YY1: variants seen among roughly 807,000 people sequenced by gnomAD.
YY1 encodes transcriptional repressor protein YY1.
A neutral mutation model predicts 35.6 loss-of-function variants in YY1; 2 were observed. The ratio of observed to expected loss-of-function variants is 0.06; its 90% CI spans 0.02 to 0.18. The LOEUF is 0.18. Ranked by LOEUF, YY1 falls within the 10% of genes least tolerant of loss-of-function variation. The pLI is 1.00. For synonymous variants in YY1, 268 were observed against 238.9 expected, an observed-to-expected ratio of 1.12 and a Z score of -1.12; for missense variants, 322 against 573.4, an observed-to-expected ratio of 0.56 and a Z score of 4.48.
At chr14:100,264,783 G>A (rs146478727) in intron 2 of YY1, among the ~76,000 whole-genome samples, 48 of 152,272 alleles carry the variant, frequency 3.2e-4, no homozygotes, top group African/African-American at 1.0e-3. Flanking sequence ...TAGAATTGTG[G>A]CAGTCAGATA....
rs1891424138 is a variant in YY1 at position 100,281,219 on chromosome 14, A to C, written c.*3619A>C. On this transcript the variant is annotated 3_prime_UTR_variant, in exon 5 of 5. Coordinates refer to ENST00000262238, the MANE Select transcript of YY1 (RefSeq NM_003403.5). Reference sequence around the variant, plus strand: ...TGGGAAATTCATGTTGTTGATCTTTAATTATTTAATTATTCTTTAATAATC... The same window carrying C: ...TGGGAAATTCATGTTGTTGATCTTTCATTATTTAATTATTCTTTAATAATC... 1 of 151,196 alleles carries C rather than the reference A, an allele frequency of 6.6e-6. No individual in the cohort carries two copies. The highest frequency in any genetic ancestry group is 1.5e-5 in the Non-Finnish European group (1 of 67,936). The allele number at this position is 151,196 out of a possible 1,614,324, so 9.4% of individuals were successfully genotyped here.
intron 1 of YY1, among the ~76,000 whole-genome samples, chr14:100,261,281 C>T (rs1566776378): frequency 6.6e-6 from 1 of 151,940 alleles, no homozygotes; most frequent in African/African-American, 2.4e-5. Context: ...ACTCTGCCTC[C>T]CAGTTCAAGC....
intron 1 of YY1, among the ~76,000 whole-genome samples, chr14:100,260,950 A>G (rs922164879): frequency 6.6e-6 from 1 of 150,916 alleles, no homozygotes; most frequent in Non-Finnish European, 1.5e-5. Context: ...CATGCACCCC[A>G]TGCCTGGCTA....
At position 100,276,192 on chromosome 14, in the gene YY1, G is replaced by A. The variant is rs1891314942; in HGVS notation, c.904-298G>A. 2.5e-6 allele frequency: 1 copy of A among 401,280 alleles called. No homozygotes were observed. Among genetic ancestry groups the A allele is most frequent in the South Asian group, 2.2e-5 (1 of 45,478 alleles). The allele number at this position is 401,280 out of a possible 1,614,324, so 24.9% of individuals were successfully genotyped here. ...GTAGAGCTGGAAGCCAGGGTGTTGG[G>A]TTCTATTCCCAGTTTGGCTACTACT... On this transcript the variant is annotated intron_variant, in intron 3 of 4. Transcript: ENST00000262238. The surrounding 1 kb of genome is among the most constrained non-coding windows in gnomAD (Gnocchi z 4.1).
In YY1 at chr14:100,280,501, G is replaced by A. The variant is rs1157529577; in HGVS notation, c.*2901G>A. The A allele has an allele frequency of 6.6e-6, 1 of 152,128 alleles. No homozygotes were observed. Among genetic ancestry groups the A allele is most frequent in the Non-Finnish European group, 1.5e-5 (1 of 68,020 alleles). 9.4% of individuals were successfully genotyped at this position (152,128 alleles called of 1,614,324 possible). A position where few individuals can be genotyped will look rare whatever the true frequency, so the allele number is the denominator to read the frequency against. ...TTGTATAAAGAACTGTCACCCCAGA[G>A]TGACATTTATTTTCCAAGATGACCC... On this transcript the variant is annotated 3_prime_UTR_variant, in exon 5 of 5. Coordinates refer to ENST00000262238, the MANE Select transcript of YY1 (RefSeq NM_003403.5).
chr14:100,246,803 C>G (rs1890840050), intron 1 of YY1, among the ~76,000 whole-genome samples: 1 of 152,174 alleles, frequency 6.6e-6, no homozygotes, highest in African/African-American at 2.4e-5. Context: ...CACTAAGATG[C>G]TATAAACATG....
At position 100,239,255 on chromosome 14, in the gene YY1, G is replaced by A; in HGVS notation, c.11G>A (p.Gly4Asp). The A allele has an allele frequency of 6.4e-7, 1 of 1,566,408 alleles. No homozygotes were observed. The highest frequency in any genetic ancestry group is 8.6e-7 in the Non-Finnish European group (1 of 1,159,770). The change falls in exon 1 of 5, where the codon GGC becomes GAC. Residue 4 changes from glycine to aspartate, a missense_variant. By Grantham distance (94) the Gly-to-Asp change is moderately conservative (BLOSUM62 -1). Transcript: ENST00000262238. MAS[G>D]DTLYIATDGS... ...GCGGAGCCCTCAGCCATGGCCTCGG[G>A]CGACACCCTCTACATCGCCACGGAC...
intron 1 of YY1, among the ~76,000 whole-genome samples, chr14:100,259,755 G>T (rs543054057): frequency 6.6e-6 from 1 of 152,278 alleles, no homozygotes; most frequent in African/African-American, 2.4e-5. Flanking sequence ...ATGCACTTGT[G>T]AATTTAACCC....
Position 100,239,802 on chromosome 14 carries a change from C to G in YY1, c.558C>G (p.Leu186=). ...AGAAGAGCGGCAAGAAGAGTTACCT[C>G]AGCGGCGGGGCCGGCGCGGCGGGCG... The part of the protein sequence containing the change: ...GGKKSGKKSY[L]SGGAGAAGGG... The change falls in exon 1 of 5, where the codon CTC becomes CTG. Residue 186 remains leucine (L), a synonymous_variant. Transcript: ENST00000262238. 1.3e-6 allele frequency: 2 copies of G among 1,516,590 alleles called. No individual in the cohort carries two copies. Among genetic ancestry groups the G allele is most frequent in the East Asian group, 2.6e-5 (1 of 38,810 alleles). The allele number at this position is 1,516,590 out of a possible 1,614,324, so 93.9% of individuals were successfully genotyped here.
intron 1 of YY1, among the ~76,000 whole-genome samples, chr14:100,254,872 A>G (rs1451662707): frequency 6.8e-6 from 1 of 147,894 alleles, no homozygotes; most frequent in African/African-American, 2.5e-5. Flanking sequence ...TCCTGGGTTC[A>G]AGCAATTCTC....
intron 2 of YY1, among the ~76,000 whole-genome samples, chr14:100,273,814 T>C (rs1255240071): frequency 1.3e-5 from 2 of 152,182 alleles, no homozygotes; most frequent in Non-Finnish European, 2.9e-5. Flanking sequence ...CACACACAGA[T>C]CTATAGGGAA....
intron 1 of YY1, among the ~76,000 whole-genome samples, chr14:100,241,255 C>T (rs932026686): frequency 1.8e-4 from 27 of 152,154 alleles, no homozygotes; most frequent in African/African-American, 4.3e-4. Context: ...GAACCTCTTC[C>T]CTATAAGTAC....
chr14:100,255,406 A>T (rs192870284), intron 1 of YY1, among the ~76,000 whole-genome samples: 10 of 152,092 alleles, frequency 6.6e-5, no homozygotes, highest in Admixed American at 4.6e-4. Flanking sequence ...ATCACCTGAG[A>T]TCAGGAGTTA....
At chr14:100,252,087 T>C (rs1416846004) in intron 1 of YY1, among the ~76,000 whole-genome samples, 1 of 152,198 alleles carries the variant, frequency 6.6e-6, no homozygotes, top group Non-Finnish European at 1.5e-5. Context: ...TAAATTGTAT[T>C]GAGTACCTTT....
intron 3 of YY1, among the ~76,000 whole-genome samples, chr14:100,275,454 GT>G: frequency 6.6e-6 from 1 of 152,320 alleles, no homozygotes; most frequent in East Asian, 1.9e-4. Context: ...CGTTCTTGAT[GT>G]GGCGATTTGA....
rs531401224 is a variant in YY1 at position 100,278,753 on chromosome 14, C to T, written c.*1153C>T. 6.6e-6 allele frequency: 1 copy of T among 152,370 alleles called. No homozygotes were observed. Among genetic ancestry groups the T allele is most frequent in the African/African-American group, 2.4e-5 (1 of 41,584 alleles). The allele number at this position is 152,370 out of a possible 1,614,324, so 9.4% of individuals were successfully genotyped here. On this transcript the variant is annotated 3_prime_UTR_variant, in exon 5 of 5. Transcript: ENST00000262238. The stretch of plus-strand genomic sequence containing the variant: ...GTTGGTCATAGGCTGTGATTTTAGC[C>T]CCCGGCAAGTGTGAGTGAAGCATCT...
At chr14:100,271,888 C>T (rs947739843) in intron 2 of YY1, among the ~76,000 whole-genome samples, 4 of 152,014 alleles carry the variant, frequency 2.6e-5, no homozygotes, top group African/African-American at 4.8e-5. Flanking sequence ...ATTTTGTACA[C>T]GAAACAAAGT....
chr14:100,257,915 G>A (rs941595836), intron 1 of YY1, among the ~76,000 whole-genome samples: 2 of 152,118 alleles, frequency 1.3e-5, no homozygotes, highest in Non-Finnish European at 1.5e-5. Context: ...AAGGCGGATT[G>A]CTTCAGCCCA....
rs1241811869 is a variant in YY1 at position 100,278,986 on chromosome 14, A to G, written c.*1386A>G. On this transcript the variant is annotated 3_prime_UTR_variant, in exon 5 of 5. Transcript: ENST00000262238. ...CTCCATCTAGTGGAGTCCTTATTAA[A>G]TGCTAGCAATGTGGCAATTGAGTGC... 1 of 152,234 alleles carries G rather than the reference A, an allele frequency of 6.6e-6. No homozygotes were observed. Among genetic ancestry groups the G allele is most frequent in the Non-Finnish European group, 1.5e-5 (1 of 68,032 alleles). The allele number at this position is 152,234 out of a possible 1,614,324, so 9.4% of individuals were successfully genotyped here. A position where few individuals can be genotyped will look rare whatever the true frequency, so the allele number is the denominator to read the frequency against.
Sources: allele counts gnomAD v4.1 joint callset (sites outside exome capture counted in the v4.1 genomes callset), GRCh38; gene constraint gnomAD v4.1.1; non-coding constraint Gnocchi (gnomAD v3.1); transcripts MANE v1.5; gene names NCBI Gene and HGNC (gene_info 2026-07-23, HGNC 2026-07-21).